Variants in UBXN4 observed in about 807,000 individuals in gnomAD.
UBXN4 encodes the protein UBX domain-containing protein 4.
UBXN4 carries 35 observed loss-of-function variants against 66.2 expected under a neutral mutation model. The observed-to-expected ratio is 0.53, with a 90% confidence interval of 0.40 to 0.70. The LOEUF (loss-of-function observed/expected upper bound fraction) is 0.70, where lower values mean the gene tolerates loss of function less well. Among genes scored for constraint, UBXN4 ranks in the 30% least tolerant of loss-of-function variants. The probability of loss-of-function intolerance (pLI) is 0.00; values close to 1 mark genes in which losing one functional copy is unlikely to be tolerated. For synonymous variants in UBXN4, 203 were observed against 204.5 expected (o/e 0.99, Z 0.06); for missense variants, 533 against 599.8 (o/e 0.89, Z 1.16).
At chr2:135,762,433 AGT>A (rs1169195524) in intron 6 of UBXN4, among the ~76,000 whole-genome samples, 1 of 152,244 alleles carries the variant, frequency 6.6e-6, no homozygotes, top group Admixed American at 6.5e-5. Flanking sequence ...GTTAATAATT[AGT>A]GGTTAAGCGG....
At chr2:135,755,998 G>A (rs1321787133) in intron 5 of UBXN4, among the ~76,000 whole-genome samples, 1 of 152,136 alleles carries the variant, frequency 6.6e-6, no homozygotes, top group East Asian at 1.9e-4. Flanking sequence ...TACTAGCCTA[G>A]AGAATTTGGA....
Position 135,748,386 on chromosome 2 carries a change from ATATTT to A in UBXN4, c.185+22_185+26del, listed in dbSNP as rs769501992. ...TACCAAAAGGTTTGTTTATGTTTTA[ATATTT>A]TATTAATTTTAAAATTTATAAGTAT... On this transcript the variant is annotated intron_variant, in intron 2 of 12. Coordinates refer to ENST00000272638, the MANE Select transcript of UBXN4 (RefSeq NM_014607.4). The A allele has an allele frequency of 1.3e-6, 2 of 1,511,790 alleles. No individual in the cohort carries two copies. The highest frequency in any genetic ancestry group is 1.8e-6 in the Non-Finnish European group (2 of 1,124,912). 93.6% of individuals were successfully genotyped at this position (1,511,790 alleles called of 1,614,324 possible). A position where few individuals can be genotyped will look rare whatever the true frequency, so the allele number is the denominator to read the frequency against.
chr2:135,757,706 GC>G (rs1050409169), intron 5 of UBXN4, among the ~76,000 whole-genome samples: 1 of 152,068 alleles, frequency 6.6e-6, no homozygotes, highest in African/African-American at 2.4e-5. Flanking sequence ...AATTAACTTG[GC>G]TAGACTAAAA....
At chr2:135,745,039 T>G (rs531485386) in intron 1 of UBXN4, among the ~76,000 whole-genome samples, 1 of 152,264 alleles carries the variant, frequency 6.6e-6, no homozygotes, top group Non-Finnish European at 1.5e-5. Flanking sequence ...GAAGCAAGAT[T>G]TATACTTTCA....
At chr2:135,769,411 T>A (rs55825471) in intron 6 of UBXN4, among the ~76,000 whole-genome samples, 79,626 of 150,702 alleles carry the variant, frequency 0.53, 25,181 homozygotes, top group Non-Finnish European at 0.73. Context: ...TTTTTTTTTT[T>A]ACCATAGTGC....
intron 6 of UBXN4, among the ~76,000 whole-genome samples, chr2:135,764,678 A>C (rs2077336799): frequency 6.6e-6 from 1 of 151,866 alleles, no homozygotes. Flanking sequence ...AATTTTTAAA[A>C]TATTTTTAGT....
intron 6 of UBXN4, among the ~76,000 whole-genome samples, chr2:135,764,605 C>T (rs535346372): frequency 3.3e-4 from 50 of 150,816 alleles, no homozygotes; most frequent in Middle Eastern, 3.6e-3. Context: ...CGGGTTCCAG[C>T]GATTCTCCTG....
intron 7 of UBXN4, 63 bp downstream of exon 7, chr2:135,769,886 C>G: frequency 1.1e-6 from 1 of 937,288 alleles, no homozygotes; most frequent in Non-Finnish European, 1.6e-6. Context: ...ATTGATTATT[C>G]TATTCAGTGT....
chr2:135,749,887 G>C (rs981272617), intron 2 of UBXN4, among the ~76,000 whole-genome samples: 2 of 152,178 alleles, frequency 1.3e-5, no homozygotes, highest in African/African-American at 4.8e-5. Flanking sequence ...AAGACACCAG[G>C]TCATTTGTTC....
rs762011929 is a variant in UBXN4, at chr2:135,755,669, T to C, written c.486T>C (p.Asp162=). 1.9e-6 allele frequency: 3 copies of C among 1,567,168 alleles called. No homozygotes were observed. The highest frequency in any genetic ancestry group is 2.7e-5 in the African/African-American group (2 of 73,274). Residue 162 remains aspartate, a synonymous_variant, in exon 5 of 13, where the codon GAT becomes GAC. Transcript: ENST00000272638. ...AELCEIPPTS[D]TKSDTATGGE... Reference sequence around the variant, plus strand: ...TTTGTGAGATACCACCCACTTCTGATACAAAGTCAGATACTGCAACAGGTA... The same window carrying C: ...TTTGTGAGATACCACCCACTTCTGACACAAAGTCAGATACTGCAACAGGTA...
At chr2:135,744,804 A>C (rs920456605) in intron 1 of UBXN4, among the ~76,000 whole-genome samples, 1 of 152,334 alleles carries the variant, frequency 6.6e-6, no homozygotes, top group Admixed American at 6.5e-5. Context: ...AAAAATAAGA[A>C]ATGAAAGATA....
chr2:135,757,192 CACTT>C (rs1175389816), intron 5 of UBXN4, among the ~76,000 whole-genome samples: 1 of 152,122 alleles, frequency 6.6e-6, no homozygotes, highest in African/African-American at 2.4e-5. Flanking sequence ...TATTTTTTCA[CACTT>C]ATTTTTTCTT....
At chr2:135,779,924 A>G (rs1277053280) in intron 11 of UBXN4, among the ~76,000 whole-genome samples, 1 of 147,454 alleles carries the variant, frequency 6.8e-6, no homozygotes, top group African/African-American at 2.5e-5. Flanking sequence ...ATATAAAATA[A>G]TTGTATACTA....
At chr2:135,777,576 T>C (rs1046647438) in intron 10 of UBXN4, among the ~76,000 whole-genome samples, 1 of 152,130 alleles carries the variant, frequency 6.6e-6, no homozygotes, top group African/African-American at 2.4e-5. Context: ...CATCTTTGAT[T>C]GCATGTGTCC....
intron 6 of UBXN4, among the ~76,000 whole-genome samples, chr2:135,768,736 T>C (rs1285087899): frequency 6.6e-6 from 1 of 151,878 alleles, no homozygotes; most frequent in Non-Finnish European, 1.5e-5. Flanking sequence ...GATGTTTTTC[T>C]ATTTTTAGTA....
intron 1 of UBXN4, among the ~76,000 whole-genome samples, chr2:135,745,058 C>G (rs373315592): frequency 1.5e-3 from 227 of 152,284 alleles, no homozygotes; most frequent in African/African-American, 5.1e-3. Context: ...CAGCTACTTA[C>G]GTGATATCAC....
intron 2 of UBXN4, among the ~76,000 whole-genome samples, chr2:135,752,401 C>T (rs1391037148): frequency 5.3e-5 from 8 of 152,016 alleles, no homozygotes; most frequent in South Asian, 2.1e-4. Context: ...AGGCTGGTCA[C>T]GAACTCCTGA....
intron 10 of UBXN4, 28 bp from the exon 11 acceptor site, chr2:135,778,920 C>CT: frequency 6.3e-7 from 1 of 1,583,280 alleles, no homozygotes; most frequent in Non-Finnish European, 8.6e-7. Flanking sequence ...TAAAGGCACT[C>CT]TTTAAGTTTT....
intron 2 of UBXN4, among the ~76,000 whole-genome samples, chr2:135,753,212 C>T (rs1244724152): frequency 1.3e-5 from 2 of 151,706 alleles, no homozygotes; most frequent in Non-Finnish European, 2.9e-5. Flanking sequence ...TTAGTAGAGA[C>T]GGGGTTTCGC....
Sources: gnomAD v4.1 joint callset for allele counts (sites outside exome capture counted in the v4.1 genomes callset) on GRCh38, gnomAD v4.1.1 for gene constraint, MANE v1.5 for transcripts, NCBI Gene and HGNC (gene_info 2026-07-23, HGNC 2026-07-21) for gene names.